Variants in NEDD4L observed in about 807,000 individuals in gnomAD.
NEDD4L encodes E3 ubiquitin-protein ligase NEDD4-like.
Under a neutral mutation model 148.9 loss-of-function variants are expected in NEDD4L, and 54 were observed. That is an observed-to-expected ratio of 0.36 (90% CI 0.29 to 0.45). The LOEUF (loss-of-function observed/expected upper bound fraction) is 0.45, where lower values mean the gene tolerates loss of function less well. Among genes scored for constraint, NEDD4L ranks in the 20% least tolerant of loss-of-function variants. NEDD4L has a pLI of 1.00. For missense variants in NEDD4L, 856 were observed against 1,233.8 expected (o/e 0.69, Z 4.59); for synonymous variants, 433 against 440.7 (o/e 0.98, Z 0.22).
At chr18:58,046,149 ATT>A (rs2081572936) in intron 1 of NEDD4L, 1 of 152,064 alleles carries the variant, frequency 6.6e-6, no homozygotes. Context: ...ATAATGTGTG[ATT>A]TGTGTGTTTA....
chr18:58,221,388 G>A (rs2043748783), intron 2 of NEDD4L: 1 of 181,656 alleles, frequency 5.5e-6, no homozygotes, highest in Non-Finnish European at 1.1e-5. Flanking sequence ...ACAACTGCAG[G>A]GAACCTGGAG....
rs1216315269 is a variant in NEDD4L at position 58,047,566 on chromosome 18, TTC to T, written c.48+2860_48+2861del. 6 of 945,038 alleles carry T rather than the reference TTC, an allele frequency of 6.3e-6. No homozygotes were observed. The Admixed American group carries it at 3.7e-4, about 58-fold the overall frequency. The allele number at this position is 945,038 out of a possible 1,614,324, so 58.5% of individuals were successfully genotyped here. On this transcript the variant is annotated intron_variant, in intron 1 of 30. Coordinates refer to ENST00000400345, the MANE Select transcript of NEDD4L (RefSeq NM_001144967.3). ...GTGAATGTATGTGCTGTTTAATTTT[TTC>T]TGTGTGTTTCGGGCGGAGGTTTCTC...
At chr18:58,279,209 A>G (rs1347833543) in intron 5 of NEDD4L, among the ~76,000 whole-genome samples, 3 of 152,096 alleles carry the variant, frequency 2.0e-5, no homozygotes, top group Non-Finnish European at 2.9e-5. Flanking sequence ...AGTTAAGATG[A>G]GAGAGTCCAA....
intron 6 of NEDD4L, among the ~76,000 whole-genome samples, 190 bp from the exon 7 acceptor site, chr18:58,322,235 T>C (rs975021231): frequency 6.6e-6 from 1 of 152,146 alleles, no homozygotes; most frequent in Non-Finnish European, 1.5e-5. Context: ...TAAAACCCGG[T>C]GTGGATAGTG....
chr18:58,379,289 G>A (rs893434658), intron 24 of NEDD4L, among the ~76,000 whole-genome samples: 56 of 152,290 alleles, frequency 3.7e-4, no homozygotes, highest in African/African-American at 1.1e-3. Flanking sequence ...CCCTCATGAC[G>A]GGGGCCAGGG....
chr18:58,217,186 C>T (rs747554274), intron 2 of NEDD4L, among the ~76,000 whole-genome samples: 15 of 152,166 alleles, frequency 9.9e-5, no homozygotes, highest in Admixed American at 2.6e-4. Context: ...AAAAAGCTAA[C>T]GCGAGTTAGG....
intron 2 of NEDD4L, among the ~76,000 whole-genome samples, chr18:58,176,403 A>G (rs1272290485): frequency 6.6e-6 from 1 of 152,132 alleles, no homozygotes; most frequent in Non-Finnish European, 1.5e-5. Context: ...GGGTGCAATC[A>G]TAGCTCACTG....
intron 5 of NEDD4L, among the ~76,000 whole-genome samples, chr18:58,260,867 C>T (rs1176572503): frequency 6.6e-6 from 1 of 152,196 alleles, no homozygotes; most frequent in African/African-American, 2.4e-5. Flanking sequence ...AGTTCACTAG[C>T]TTTTGGTCCT....
Position 58,044,479 on chromosome 18 carries a change from G to C in NEDD4L, c.-182G>C. Reference sequence around the variant, plus strand: ...AGCCTTCCGGGAGGAAGCGGTGCCGGCAGCGTCCAGGGCGCGCTCTCGGGC... The same window carrying C: ...AGCCTTCCGGGAGGAAGCGGTGCCGCCAGCGTCCAGGGCGCGCTCTCGGGC... On this transcript the variant is annotated 5_prime_UTR_variant, in exon 1 of 31. Transcript: ENST00000400345. The C allele has an allele frequency of 1.4e-6, 1 of 715,462 alleles. No homozygotes were observed. Among genetic ancestry groups the C allele is most frequent in the East Asian group, 3.7e-5 (1 of 26,868 alleles). 44.3% of individuals were successfully genotyped at this position (715,462 alleles called of 1,614,324 possible). A position where few individuals can be genotyped will look rare whatever the true frequency, so the allele number is the denominator to read the frequency against.
chr18:58,166,272 A>G (rs115327528), intron 2 of NEDD4L, among the ~76,000 whole-genome samples: 2,248 of 152,338 alleles, frequency 0.015, 49 homozygotes, highest in African/African-American at 0.049. Context: ...ATCTGAATTA[A>G]GAGATTTGGT....
intron 24 of NEDD4L, among the ~76,000 whole-genome samples, chr18:58,374,762 C>T (rs1443891301): frequency 6.6e-6 from 1 of 152,162 alleles, no homozygotes; most frequent in Non-Finnish European, 1.5e-5. Context: ...CTCCAGTCCC[C>T]TGGAAGTGCA....
chr18:58,316,382 A>G (rs2058265425), intron 6 of NEDD4L, among the ~76,000 whole-genome samples: 1 of 152,058 alleles, frequency 6.6e-6, no homozygotes, highest in Non-Finnish European at 1.5e-5. Context: ...TCTGCTTCCT[A>G]ATGCATCCTC....
At chr18:58,177,632 A>G (rs2038335359) in intron 2 of NEDD4L, among the ~76,000 whole-genome samples, 1 of 152,200 alleles carries the variant, frequency 6.6e-6, no homozygotes, top group Non-Finnish European at 1.5e-5. Context: ...CCTCCTATGC[A>G]TCTGTGTTAT....
chr18:58,054,575 G>C (rs1303339672), intron 1 of NEDD4L: 1 of 179,934 alleles, frequency 5.6e-6, no homozygotes, highest in Non-Finnish European at 1.2e-5. Flanking sequence ...TCGAGTCTGG[G>C]CAACAGAATG....
chr18:58,109,433 G>A (rs1466927829), intron 1 of NEDD4L, among the ~76,000 whole-genome samples: 2 of 152,208 alleles, frequency 1.3e-5, no homozygotes, highest in Non-Finnish European at 2.9e-5. Context: ...AGTCTAGAGG[G>A]ATGGGAGAGG....
At chr18:58,323,675 TGAG>T (rs763310787) in intron 8 of NEDD4L, among the ~76,000 whole-genome samples, 24 of 152,358 alleles carry the variant, frequency 1.6e-4, no homozygotes, top group Non-Finnish European at 3.2e-4. Flanking sequence ...TTTTAGCCAT[TGAG>T]GTCGCTTCAA....
rs147526154 is a variant in NEDD4L, at chr18:58,390,935, C to T, written c.2752+193C>T. 2.3e-3 allele frequency among the ~76,000 whole-genome samples: 347 copies of T among 150,876 alleles called. 5 individuals are homozygous for T. The highest frequency in any genetic ancestry group is 0.013 in the Admixed American group (199 of 15,188). ...TTATATAGATAACATGGTGCTTCTACTTCGAGGGATTGGGGGGCAGTTTGT... is the reference window on the plus strand; with the variant it reads ...TTATATAGATAACATGGTGCTTCTATTTCGAGGGATTGGGGGGCAGTTTGT... On this transcript the variant is annotated intron_variant, in intron 29 of 30. Transcript: ENST00000400345.
At chr18:58,155,927 G>T (rs1431643860) in intron 1 of NEDD4L, among the ~76,000 whole-genome samples, 2 of 152,152 alleles carry the variant, frequency 1.3e-5, no homozygotes, top group Non-Finnish European at 2.9e-5. Flanking sequence ...CTCCCAAGTT[G>T]GTGGCACTGG....
intron 2 of NEDD4L, among the ~76,000 whole-genome samples, chr18:58,213,749 T>A (rs2042845371): frequency 1.3e-5 from 2 of 150,984 alleles, no homozygotes; most frequent in Admixed American, 1.3e-4. Flanking sequence ...TTGGTTTTTG[T>A]TGTTGTTGTT....
Sources: allele counts gnomAD v4.1 joint callset (sites outside exome capture counted in the v4.1 genomes callset), GRCh38; gene constraint gnomAD v4.1.1; transcripts MANE v1.5; gene names NCBI Gene and HGNC (gene_info 2026-07-23, HGNC 2026-07-21).